PCDH15: variants seen among roughly 807,000 people sequenced by gnomAD.
PCDH15 encodes protocadherin related 15.
PCDH15 carries 129 observed loss-of-function variants against 178.5 expected under a neutral mutation model. The observed-to-expected ratio is 0.72, with a 90% CI of 0.63 to 0.84. The LOEUF (loss-of-function observed/expected upper bound fraction) is 0.84, where lower values mean the gene tolerates loss of function less well. PCDH15 is among the 40% of genes least tolerant of loss of function. The pLI is 0.00. For synonymous variants in PCDH15, 800 were observed against 732.0 expected, an observed-to-expected ratio of 1.09 and a Z score of -1.50; for missense variants, 2,230 against 2,099.9, an observed-to-expected ratio of 1.06 and a Z score of -1.21.
At chr10:54,492,878 A>G (rs752780098) in intron 3 of PCDH15, among the ~76,000 whole-genome samples, 70 of 152,164 alleles carry the variant, frequency 4.6e-4, no homozygotes, top group Non-Finnish European at 8.8e-4. Context: ...GGCGATTCAC[A>G]AAAGACAGAA....
At chr10:54,906,225 A>G (rs1023942089) in intron 2 of PCDH15, among the ~76,000 whole-genome samples, 1 of 152,144 alleles carries the variant, frequency 6.6e-6, no homozygotes, top group Non-Finnish European at 1.5e-5. Flanking sequence ...CACATCATTG[A>G]AAGTCTGCAC....
chr10:54,617,796 G>A (rs1377288505), intron 2 of PCDH15, among the ~76,000 whole-genome samples: 7 of 150,568 alleles, frequency 4.6e-5, no homozygotes, highest in Non-Finnish European at 1.0e-4. Context: ...CATAGTGGCG[G>A]GCACCTATAA....
Position 55,415,959 on chromosome 10 carries a change from C to A in PCDH15, c.-156+211666G>T, listed in dbSNP as rs182069934. On this transcript the variant is annotated intron_variant, in intron 2 of 5. Transcript: ENST00000613346. ...TTCTCAAATTTGCTTTTGTCGATAG[C>A]AAATTTCAAGTTTCAAAAACAGGCT... Among the ~76,000 whole-genome samples the A allele has an allele frequency of 7.4e-3, 1,123 of 151,244 alleles. 12 individuals are homozygous for A. Among genetic ancestry groups the A allele is most frequent in the African/African-American group, 0.024 (1,004 of 41,304 alleles).
intron 26 of PCDH15, among the ~76,000 whole-genome samples, chr10:53,901,463 G>A (rs992550756): frequency 1.3e-5 from 2 of 151,950 alleles, no homozygotes; most frequent in Non-Finnish European, 1.5e-5. Context: ...TATCAACGTC[G>A]TTCAAGCTAC....
At chr10:55,289,452 AGGAAT>A (rs1842954895) in intron 1 of PCDH15, among the ~76,000 whole-genome samples, 1 of 151,732 alleles carries the variant, frequency 6.6e-6, no homozygotes, top group Non-Finnish European at 1.5e-5. Flanking sequence ...GAACAAAAGA[AGGAAT>A]GGAAGGAGAG....
At chr10:54,731,563 T>TACAC (rs1159070523) in intron 1 of PCDH15, among the ~76,000 whole-genome samples, 11,643 of 49,874 alleles carry the variant, frequency 0.23, 1,610 homozygotes, top group East Asian at 0.52. Context: ...TATATATATA[T>TACAC]ACACACACAC....
chr10:54,943,824 G>A (rs986772192), intron 2 of PCDH15, among the ~76,000 whole-genome samples: 2 of 149,766 alleles, frequency 1.3e-5, no homozygotes, highest in Non-Finnish European at 3.0e-5. Context: ...TTTTCTGAGA[G>A]TAAAATAATT....
chr10:54,778,401 A>G (rs963305767), intron 1 of PCDH15, among the ~76,000 whole-genome samples: 2 of 152,100 alleles, frequency 1.3e-5, no homozygotes, highest in African/African-American at 2.4e-5. Context: ...CCCGGGGTGG[A>G]GGGGCGTTAT....
At chr10:54,785,495 C>A (rs1392290823) in intron 1 of PCDH15, among the ~76,000 whole-genome samples, 1 of 151,966 alleles carries the variant, frequency 6.6e-6, no homozygotes, top group Admixed American at 6.6e-5. Context: ...CCCTTGCATA[C>A]CTTTGATGAG....
intron 17 of PCDH15, among the ~76,000 whole-genome samples, chr10:54,067,451 C>T (rs977387330): frequency 1.3e-5 from 2 of 152,160 alleles, no homozygotes; most frequent in Non-Finnish European, 2.9e-5. Flanking sequence ...AAGCATACAG[C>T]TTACGGAAAT....
chr10:53,996,416 G>T (rs2091852164), intron 20 of PCDH15, among the ~76,000 whole-genome samples: 1 of 152,050 alleles, frequency 6.6e-6, no homozygotes, highest in African/African-American at 2.4e-5. Context: ...TATATGCATT[G>T]TTATTCATGC....
At chr10:55,453,508 A>G (rs1317918029) in intron 2 of PCDH15, among the ~76,000 whole-genome samples, 1 of 151,730 alleles carries the variant, frequency 6.6e-6, no homozygotes, top group African/African-American at 2.4e-5. Context: ...AGCCTTGTTC[A>G]TTTTCTCAGC....
chr10:54,764,971 C>T (rs1199711080), intron 1 of PCDH15, among the ~76,000 whole-genome samples: 2 of 152,062 alleles, frequency 1.3e-5, no homozygotes, highest in African/African-American at 2.4e-5. Context: ...TGTATCCTAA[C>T]TATGAATGAG....
At chr10:54,948,455 T>A (rs1838246267) in intron 2 of PCDH15, among the ~76,000 whole-genome samples, 1 of 151,990 alleles carries the variant, frequency 6.6e-6, no homozygotes, top group African/African-American at 2.4e-5. Flanking sequence ...CTAAGGAATA[T>A]CCAGGACAGC....
At chr10:53,962,024 C>G in intron 21 of PCDH15, 132 bp from the exon 22 acceptor site, 1 of 752,406 alleles carries the variant, frequency 1.3e-6, no homozygotes, top group Non-Finnish European at 2.2e-6. Flanking sequence ...TTCATTCTTT[C>G]AGAGCTGAAA....
At chr10:54,961,149 G>A (rs1838643519) in intron 2 of PCDH15, among the ~76,000 whole-genome samples, 2 of 152,320 alleles carry the variant, frequency 1.3e-5, no homozygotes, top group South Asian at 4.1e-4. Flanking sequence ...AGCAGACAGG[G>A]GTGCATGCTC....
intron 2 of PCDH15, among the ~76,000 whole-genome samples, chr10:54,636,406 A>C (rs1019607635): frequency 2.0e-5 from 3 of 151,962 alleles, no homozygotes; most frequent in Non-Finnish European, 4.4e-5. Context: ...TCTTGTAAGC[A>C]GATGTTTCTA....
At chr10:54,778,030 A>G (rs1280036872) in intron 1 of PCDH15, among the ~76,000 whole-genome samples, 2 of 152,250 alleles carry the variant, frequency 1.3e-5, no homozygotes, top group Non-Finnish European at 2.9e-5. Context: ...AGACAGAATC[A>G]GAAGATACTG....
chr10:54,810,205 A>G (rs1337226422), intron 3 of PCDH15, among the ~76,000 whole-genome samples: 1 of 152,118 alleles, frequency 6.6e-6, no homozygotes, highest in Non-Finnish European at 1.5e-5. Context: ...TCTTATGATA[A>G]GTGGGTCTGT....
Sources: allele counts gnomAD v4.1 joint callset (sites outside exome capture counted in the v4.1 genomes callset), GRCh38; gene constraint gnomAD v4.1.1; transcripts MANE v1.5; gene names NCBI Gene and HGNC (gene_info 2026-07-23, HGNC 2026-07-21).